The following SLC29A3 variants were observed in gnomAD, a reference collection of about 807,000 sequenced individuals.
The protein encoded by SLC29A3 is solute carrier family 29 member 3.
Under a neutral mutation model 25.4 loss-of-function variants are expected in SLC29A3, and 18 were observed. The ratio of observed to expected loss-of-function variants is 0.71; its 90% CI spans 0.49 to 1.05. SLC29A3 has a LOEUF of 1.05. Among genes scored for constraint, SLC29A3 ranks in the 50% least tolerant of loss-of-function variants. The pLI, the probability that SLC29A3 is intolerant of heterozygous loss-of-function variation, is 0.00. For missense variants in SLC29A3, 586 were observed against 609.0 expected (o/e 0.96, Z 0.40); for synonymous variants, 258 against 267.1 (o/e 0.97, Z 0.33).
intron 3 of SLC29A3, among the ~76,000 whole-genome samples, chr10:71,348,964 C>T (rs1186438206): frequency 6.6e-6 from 1 of 152,164 alleles, no homozygotes; most frequent in East Asian, 1.9e-4. Flanking sequence ...TGCTGGGGAT[C>T]TTGGAGAGCC....
intron 2 of SLC29A3, among the ~76,000 whole-genome samples, chr10:71,340,040 C>T (rs1426335192): frequency 6.6e-6 from 1 of 152,212 alleles, no homozygotes; most frequent in Non-Finnish European, 1.5e-5. Context: ...GAGGTGCTGA[C>T]CTGCACAGAA....
At chr10:71,349,777 A>T (rs1376386629) in intron 3 of SLC29A3, among the ~76,000 whole-genome samples, 1 of 152,112 alleles carries the variant, frequency 6.6e-6, no homozygotes, top group Non-Finnish European at 1.5e-5. Context: ...AGCTCCCTGA[A>T]CATGCCTCAC....
At chr10:71,347,733 G>A (rs1846629848) in intron 3 of SLC29A3, among the ~76,000 whole-genome samples, 1 of 152,184 alleles carries the variant, frequency 6.6e-6, no homozygotes, top group African/African-American at 2.4e-5. Context: ...CATGTAGGGG[G>A]ACAGAGGAGG....
At chr10:71,357,286 G>A (rs1374319451) in intron 5 of SLC29A3, among the ~76,000 whole-genome samples, 1 of 152,036 alleles carries the variant, frequency 6.6e-6, no homozygotes, top group Non-Finnish European at 1.5e-5. Context: ...ATGGTGGCGG[G>A]TGCCTGTAGT....
intron 2 of SLC29A3, among the ~76,000 whole-genome samples, chr10:71,334,956 CT>C (rs59654006): frequency 0.26 from 33,974 of 128,804 alleles, 3,005 homozygotes; most frequent in Middle Eastern, 0.31. Flanking sequence ...CTTTTTTTTT[CT>C]TTTTTTTTTT....
At chr10:71,378,680 T>C (rs904635237) in intron 4 of SLC29A3, among the ~76,000 whole-genome samples, 1 of 152,206 alleles carries the variant, frequency 6.6e-6, no homozygotes, top group Non-Finnish European at 1.5e-5. Context: ...GGCCCAGTCA[T>C]TGGTGTTTTA....
chr10:71,347,473 C>T (rs1846622434), intron 3 of SLC29A3, among the ~76,000 whole-genome samples: 1 of 152,132 alleles, frequency 6.6e-6, no homozygotes, highest in Admixed American at 6.5e-5. Context: ...AGCTGAAAGT[C>T]TAGACTTTCC....
chr10:71,324,967 C>G (rs200758749), intron 2 of SLC29A3, among the ~76,000 whole-genome samples: 2 of 152,212 alleles, frequency 1.3e-5, no homozygotes, highest in African/African-American at 4.8e-5. Flanking sequence ...GCCTCCGTTT[C>G]CACGGCTGCC....
At chr10:71,342,744 G>A (rs924466769) in intron 2 of SLC29A3, among the ~76,000 whole-genome samples, 5 of 152,196 alleles carry the variant, frequency 3.3e-5, no homozygotes, top group East Asian at 1.9e-4. Flanking sequence ...GAGTGCCCCC[G>A]ACCAGTCCAG....
At chr10:71,334,714 C>T (rs1846200460) in intron 2 of SLC29A3, among the ~76,000 whole-genome samples, 1 of 152,132 alleles carries the variant, frequency 6.6e-6, no homozygotes, top group Admixed American at 6.5e-5. Context: ...CGCAGTGCAC[C>T]TCCACCACAG....
intron 2 of SLC29A3, among the ~76,000 whole-genome samples, chr10:71,331,416 CTTTTA>C (rs1846114620): frequency 1.3e-5 from 2 of 152,092 alleles, no homozygotes; most frequent in South Asian, 4.1e-4. Context: ...ATTTTCTGTT[CTTTTA>C]TTTTTAATAC....
chr10:71,356,209 CTCT>C lies in SLC29A3; in HGVS notation c.740_742del (p.Leu247_Tyr248delinsHis). 2 of 1,614,088 alleles carry C rather than the reference CTCT, an allele frequency of 1.2e-6. No homozygotes were observed. Among genetic ancestry groups the C allele is most frequent in the Non-Finnish European group, 1.7e-6 (2 of 1,180,014 alleles). On this transcript the variant is annotated inframe_deletion, in exon 5 of 6. Coordinates refer to ENST00000373189, the MANE Select transcript of SLC29A3 (RefSeq NM_018344.6). ...TGTCTTCCTCGTGCTCTGCATGGGA[CTCT>C]ACCTGCTGCTGTCCAGGCTGGAGTA...
chr10:71,347,193 C>T (rs1452297319), intron 3 of SLC29A3, among the ~76,000 whole-genome samples: 1 of 152,164 alleles, frequency 6.6e-6, no homozygotes, highest in Non-Finnish European at 1.5e-5. Context: ...TCCCGACTGG[C>T]TTATCCATAA....
intron 3 of SLC29A3, among the ~76,000 whole-genome samples, chr10:71,344,852 A>G (rs1352129561): frequency 6.6e-6 from 1 of 152,240 alleles, no homozygotes; most frequent in Non-Finnish European, 1.5e-5. Flanking sequence ...TACAAAGACA[A>G]TAGCCCTAGC....
At chr10:71,374,776 C>T (rs1280698492) in intron 3 of SLC29A3, among the ~76,000 whole-genome samples, 3 of 152,334 alleles carry the variant, frequency 2.0e-5, no homozygotes, top group East Asian at 1.9e-4. Flanking sequence ...TCATTATCCA[C>T]GTTTTGCTCC....
At chr10:71,344,187 C>T (rs1564534076) in intron 2 of SLC29A3, 22 bp from the exon 3 acceptor site, 1 of 1,602,216 alleles carries the variant, frequency 6.2e-7, no homozygotes, top group Non-Finnish European at 8.6e-7. Context: ...ACCGCAGCAC[C>T]TCCTCACTTG....
At chr10:71,349,897 C>A (rs572963199) in intron 3 of SLC29A3, among the ~76,000 whole-genome samples, 4 of 152,216 alleles carry the variant, frequency 2.6e-5, no homozygotes, top group Non-Finnish European at 5.9e-5. Context: ...TTTTGTGCCC[C>A]TCAGATGTGC....
chr10:71,368,140 G>A (rs1156973549), downstream of SLC29A3, among the ~76,000 whole-genome samples: 1 of 152,126 alleles, frequency 6.6e-6, no homozygotes, highest in Non-Finnish European at 1.5e-5. Context: ...TGAGGCAGGA[G>A]GATTGTTTGA....
intron 4 of SLC29A3, among the ~76,000 whole-genome samples, chr10:71,377,546 G>A (rs1847262622): frequency 6.6e-6 from 1 of 152,200 alleles, no homozygotes; most frequent in Non-Finnish European, 1.5e-5. Context: ...CCCGCGCGGG[G>A]GCCGTCGGTA....
Sources: allele counts gnomAD v4.1 joint callset (sites outside exome capture counted in the v4.1 genomes callset), GRCh38; gene constraint gnomAD v4.1.1; transcripts MANE v1.5; gene names NCBI Gene and HGNC (gene_info 2026-07-23, HGNC 2026-07-21).